Variants in TMPRSS15 observed in about 807,000 individuals in gnomAD.
TMPRSS15 encodes enteropeptidase.
Under a neutral mutation model 125.3 loss-of-function variants are expected in TMPRSS15, and 128 were observed. The observed-to-expected ratio is 1.02, with a 90% confidence interval of 0.89 to 1.18. The LOEUF (loss-of-function observed/expected upper bound fraction) is 1.18, where lower values mean the gene tolerates loss of function less well. Among genes scored for constraint, TMPRSS15 ranks in the 50% most tolerant of loss-of-function variants. The pLI is 0.00. For synonymous variants in TMPRSS15, 446 were observed against 423.2 expected (o/e 1.05, Z -0.66); for missense variants, 1,283 against 1,212.7 (o/e 1.06, Z -0.86).
At chr21:18,417,745 C>CA (rs1400418170) in intron 1 of TMPRSS15, among the ~76,000 whole-genome samples, 6 of 152,118 alleles carry the variant, frequency 3.9e-5, no homozygotes, top group African/African-American at 1.4e-4. Context: ...TAATCTTGCT[C>CA]AATGTGAATC....
At chr21:18,357,527 A>G (rs955013556) in intron 8 of TMPRSS15, among the ~76,000 whole-genome samples, 3 of 151,876 alleles carry the variant, frequency 2.0e-5, no homozygotes, top group East Asian at 1.9e-4. Context: ...AAAAATTTAT[A>G]TATTTCCAAT....
chr21:18,298,702 T>G (rs1324693070), intron 18 of TMPRSS15, among the ~76,000 whole-genome samples: 2 of 152,242 alleles, frequency 1.3e-5, no homozygotes, highest in Admixed American at 1.3e-4. Context: ...GGAAACATCC[T>G]GATTTCTGCT....
intron 23 of TMPRSS15, among the ~76,000 whole-genome samples, chr21:18,275,632 T>G (rs953493757): frequency 1.3e-5 from 2 of 152,212 alleles, no homozygotes; most frequent in African/African-American, 4.8e-5. Flanking sequence ...GTTACAGGAT[T>G]GCTCATGGGG....
intron 7 of TMPRSS15, among the ~76,000 whole-genome samples, chr21:18,360,928 A>G (rs2075674137): frequency 6.6e-6 from 1 of 152,162 alleles, no homozygotes; most frequent in African/African-American, 2.4e-5. Context: ...CATACCATCA[A>G]GATGACAGCT....
At chr21:18,282,860 A>AG (rs2074717783) in intron 21 of TMPRSS15, among the ~76,000 whole-genome samples, 1 of 152,144 alleles carries the variant, frequency 6.6e-6, no homozygotes, top group Non-Finnish European at 1.5e-5. Context: ...TACAGCTCTG[A>AG]GTGGGGTGCC....
intron 16 of TMPRSS15, among the ~76,000 whole-genome samples, chr21:18,321,538 G>C (rs1388902679): frequency 6.6e-6 from 1 of 152,002 alleles, no homozygotes; most frequent in Non-Finnish European, 1.5e-5. Flanking sequence ...ATTATTAGTA[G>C]AGACGGGGTT....
chr21:18,333,122 A>T (rs1040043961), intron 13 of TMPRSS15, among the ~76,000 whole-genome samples: 10 of 152,132 alleles, frequency 6.6e-5, no homozygotes, highest in African/African-American at 2.4e-4. Context: ...AGGGAGGGGA[A>T]TCAGGAAAAA....
intron 1 of TMPRSS15, among the ~76,000 whole-genome samples, chr21:18,419,354 T>C (rs1277720507): frequency 6.6e-6 from 1 of 151,276 alleles, no homozygotes; most frequent in Non-Finnish European, 1.5e-5. Flanking sequence ...GCCTCCTGAG[T>C]AGCTGGGACT....
chr21:18,284,909 G>C (rs1027531487), intron 21 of TMPRSS15, among the ~76,000 whole-genome samples: 4 of 152,088 alleles, frequency 2.6e-5, no homozygotes, highest in African/African-American at 9.7e-5. Flanking sequence ...GCTGGGGCAG[G>C]AGAATTGCTT....
chr21:18,351,332 G>A (rs1601375865), intron 10 of TMPRSS15, among the ~76,000 whole-genome samples: 1 of 152,038 alleles, frequency 6.6e-6, no homozygotes, highest in African/African-American at 2.4e-5. Flanking sequence ...AAATAATTTT[G>A]CATGTTAATT....
rs751185121 is a variant in TMPRSS15 at position 18,403,665 on chromosome 21, T to C, written c.-43A>G. ...TGCTAATTTAAGAACTGAAAGAGAA[T>C]ATAAATAATTCTACCAACTGAAGAG... is the stretch of plus-strand genomic sequence containing the variant. On this transcript the variant is annotated 5_prime_UTR_variant, in exon 1 of 25. It adds an upstream start codon to the 5' untranslated region. Transcript: ENST00000284885. The C allele has an allele frequency of 5.6e-6, 9 of 1,612,544 alleles. No individual in the cohort carries two copies. The highest frequency in any genetic ancestry group is 1.3e-5 in the African/African-American group (1 of 75,022).
At chr21:18,349,283 A>G (rs13048566) in intron 10 of TMPRSS15, among the ~76,000 whole-genome samples, 28,231 of 152,160 alleles carry the variant, frequency 0.19, 2,983 homozygotes, top group Admixed American at 0.29. Context: ...TCCTGCCTCA[A>G]CACCACCTTC....
intron 1 of TMPRSS15, among the ~76,000 whole-genome samples, chr21:18,424,092 G>T (rs2076197832): frequency 6.6e-6 from 1 of 152,100 alleles, no homozygotes. Context: ...GGTCTCAAAA[G>T]AAAAGCCATT....
At chr21:18,272,946 C>CATCA (rs1420024130) in intron 24 of TMPRSS15, among the ~76,000 whole-genome samples, 2 of 152,104 alleles carry the variant, frequency 1.3e-5, no homozygotes, top group African/African-American at 4.8e-5. Flanking sequence ...CTTTAGTGTG[C>CATCA]ATCAGAATCT....
At chr21:18,300,292 CTT>C (rs974088939) in intron 18 of TMPRSS15, among the ~76,000 whole-genome samples, 1 of 117,184 alleles carries the variant, frequency 8.5e-6, no homozygotes, top group Non-Finnish European at 2.0e-5. Context: ...CTCTCTCTTT[CTT>C]TCTCTCTCTC....
chr21:18,463,805 C>T (rs2122954176), intron 1 of TMPRSS15, among the ~76,000 whole-genome samples: 5 of 152,130 alleles, frequency 3.3e-5, no homozygotes, highest in African/African-American at 1.2e-4. Context: ...TCATTCAAAA[C>T]CACACAACTA....
chr21:18,309,608 A>G (rs1472449848), intron 18 of TMPRSS15, among the ~76,000 whole-genome samples: 1 of 152,218 alleles, frequency 6.6e-6, no homozygotes, highest in African/African-American at 2.4e-5. Flanking sequence ...CCCATCAAAA[A>G]GTGGGTGAAG....
intron 16 of TMPRSS15, among the ~76,000 whole-genome samples, chr21:18,316,361 C>G (rs1026611893): frequency 6.6e-6 from 1 of 152,134 alleles, no homozygotes; most frequent in African/African-American, 2.4e-5. Context: ...CAGAGAGGTC[C>G]CCTGGCCTCA....
chr21:18,348,882 T>C (rs1002154470), intron 10 of TMPRSS15, among the ~76,000 whole-genome samples: 1 of 152,226 alleles, frequency 6.6e-6, no homozygotes, highest in Non-Finnish European at 1.5e-5. Flanking sequence ...TCAGCCATTT[T>C]TCAGAGTTTT....
Sources: allele counts gnomAD v4.1 joint callset (sites outside exome capture counted in the v4.1 genomes callset), GRCh38; gene constraint gnomAD v4.1.1; transcripts MANE v1.5; gene names NCBI Gene and HGNC (gene_info 2026-07-23, HGNC 2026-07-21).